Variants in CATSPERE observed in about 807,000 individuals in gnomAD.
CATSPERE encodes the protein catsper channel auxiliary subunit epsilon, also known as cation channel sperm-associated auxiliary subunit epsilon.
In CATSPERE, 93 loss-of-function variants were observed where a neutral mutation model predicts 114.1. The observed-to-expected ratio is 0.81, with a 90% CI of 0.69 to 0.97. CATSPERE has a LOEUF of 0.97. Among genes scored for constraint, CATSPERE ranks in the 50% least tolerant of loss-of-function variants. The pLI is 0.00. For missense variants in CATSPERE, 1,058 were observed against 1,131.6 expected, an observed-to-expected ratio of 0.93 and a Z score of 0.93; for synonymous variants, 341 against 384.1, an observed-to-expected ratio of 0.89 and a Z score of 1.31.
intron 8 of CATSPERE, among the ~76,000 whole-genome samples, chr1:244,527,165 T>G (rs1678766977): frequency 6.6e-6 from 1 of 152,130 alleles, no homozygotes; most frequent in Admixed American, 6.5e-5. Context: ...ACCAGTCTGA[T>G]CAAAATTTAT....
At chr1:244,460,563 A>G (rs1180248972), upstream of CATSPERE, among the ~76,000 whole-genome samples, 1 of 152,248 alleles carries the variant, frequency 6.6e-6, no homozygotes, top group Admixed American at 6.5e-5. Context: ...GATTTGAGTA[A>G]TAATAAAACT....
In CATSPERE at chr1:244,596,597, C is replaced by A. The variant is rs550845438; in HGVS notation, c.2303+3019C>A. On this transcript the variant is annotated intron_variant, in intron 17 of 21. Coordinates refer to ENST00000366534, the MANE Select transcript of CATSPERE (RefSeq NM_001130957.2). ...TAAGAAAATTAGTGATTATACACAC[C>A]GGGGCCTGTCTGGGGTGGGGGGCAA... Among the ~76,000 whole-genome samples, 61 of 151,292 alleles carry A rather than the reference C, an allele frequency of 4.0e-4. No individual in the cohort carries two copies. In the Middle Eastern group the frequency reaches 0.014, roughly 34 times the overall value.
chr1:244,455,314 C>T (rs1572170549), intron 1 of CATSPERE, among the ~76,000 whole-genome samples: 1 of 152,220 alleles, frequency 6.6e-6, no homozygotes, highest in East Asian at 1.9e-4. Context: ...TTTCTCTAAA[C>T]TACCCTGGGG....
chr1:244,494,307 A>G (rs1204686692), intron 6 of CATSPERE, among the ~76,000 whole-genome samples: 1 of 151,968 alleles, frequency 6.6e-6, no homozygotes, highest in Non-Finnish European at 1.5e-5. Flanking sequence ...TTGTAGGGAC[A>G]TGGATGAAAC....
intron 5 of CATSPERE, among the ~76,000 whole-genome samples, chr1:244,484,696 T>A (rs1317788801): frequency 1.3e-5 from 2 of 152,192 alleles, no homozygotes; most frequent in Non-Finnish European, 2.9e-5. Flanking sequence ...TTTCAGTCAA[T>A]ATTTATTTGG....
At chr1:244,590,514 C>T (rs1018352368) in intron 14 of CATSPERE, among the ~76,000 whole-genome samples, 15 of 152,184 alleles carry the variant, frequency 9.9e-5, no homozygotes, top group Non-Finnish European at 2.1e-4. Flanking sequence ...TGTTGTACAG[C>T]TAGCACCACT....
upstream of CATSPERE, chr1:244,452,082 G>A (rs1027435916): frequency 3.4e-4 from 106 of 309,824 alleles, no homozygotes; most frequent in Non-Finnish European, 2.5e-4. Context: ...GGCAACGGCC[G>A]CCACCCCGGA....
chr1:244,517,913 A>G (rs1169488595), intron 7 of CATSPERE, among the ~76,000 whole-genome samples: 1 of 150,720 alleles, frequency 6.6e-6, no homozygotes, highest in Non-Finnish European at 1.5e-5. Context: ...CATGATAACA[A>G]TCTTAAAGGT....
Position 244,504,687 on chromosome 1 carries a change from C to A in CATSPERE, c.429+5608C>A, listed in dbSNP as rs1215034829. 6.6e-6 allele frequency among the ~76,000 whole-genome samples: 1 copy of A among 152,096 alleles called. No homozygotes were observed. The highest frequency in any genetic ancestry group is 1.5e-5 in the Non-Finnish European group (1 of 68,030). On this transcript the variant is annotated intron_variant, in intron 7 of 21. Coordinates refer to ENST00000366534, the MANE Select transcript of CATSPERE (RefSeq NM_001130957.2). The surrounding 1 kb of genome is among the most constrained non-coding windows in gnomAD (Gnocchi z 4.1). ...ATTCATCTGAGATTTTTCTCATAAT[C>A]AGATTGGAGTTAGGTGTTTCAGGCA...
chr1:244,551,539 T>C (rs1660627707), intron 8 of CATSPERE, among the ~76,000 whole-genome samples: 1 of 152,128 alleles, frequency 6.6e-6, no homozygotes, highest in South Asian at 2.1e-4. Flanking sequence ...AAACACTCTA[T>C]TCATTTAACT....
chr1:244,640,308 C>T lies in CATSPERE; in HGVS notation c.*227C>T. 3.0e-6 allele frequency: 1 copy of T among 330,906 alleles called. No homozygotes were observed. 20.5% of individuals were successfully genotyped at this position (330,906 alleles called of 1,614,324 possible). The stretch of plus-strand genomic sequence containing the variant: ...TTTGTTTGCCTTCATTTTAAAGATA[C>T]TCTATGTACTCTCACATGGCATGAA... On this transcript the variant is annotated 3_prime_UTR_variant, in exon 22 of 22. Coordinates refer to ENST00000366534, the MANE Select transcript of CATSPERE (RefSeq NM_001130957.2).
chr1:244,573,721 A>C lies in CATSPERE; in HGVS notation c.1950+949A>C, dbSNP rs777050644. 2.4e-4 allele frequency among the ~76,000 whole-genome samples: 37 copies of C among 152,196 alleles called. No individual in the cohort carries two copies. The highest frequency in any genetic ancestry group is 6.5e-4 in the Admixed American group (10 of 15,284). On this transcript the variant is annotated intron_variant, in intron 11 of 21. Transcript: ENST00000366534. The surrounding 1 kb of genome is among the most constrained non-coding windows in gnomAD (Gnocchi z 4.0). The stretch of plus-strand genomic sequence containing the variant: ...TGAGAGCAGAAGCCTAGGTTTGGCC[A>C]CATATCCCTAACTCATAGGATGGTG...
intron 6 of CATSPERE, among the ~76,000 whole-genome samples, chr1:244,492,072 G>A (rs1432519803): frequency 6.6e-6 from 1 of 152,078 alleles, no homozygotes; most frequent in Non-Finnish European, 1.5e-5. Flanking sequence ...GAAAAAGAGG[G>A]AATCCTCCCT....
chr1:244,569,162 C>T (rs1664071381), intron 10 of CATSPERE, among the ~76,000 whole-genome samples: 1 of 152,158 alleles, frequency 6.6e-6, no homozygotes, highest in Non-Finnish European at 1.5e-5. Flanking sequence ...ATGGCACAGT[C>T]CCTCGTGGCT....
At chr1:244,628,359 A>T (rs1558623435) in intron 20 of CATSPERE, among the ~76,000 whole-genome samples, 1 of 152,156 alleles carries the variant, frequency 6.6e-6, no homozygotes, top group Non-Finnish European at 1.5e-5. Flanking sequence ...ATCCATGCTT[A>T]TAAGGCCATA....
intron 7 of CATSPERE, among the ~76,000 whole-genome samples, chr1:244,516,647 G>A (rs1676688488): frequency 6.6e-6 from 1 of 152,074 alleles, no homozygotes; most frequent in African/African-American, 2.4e-5. Context: ...TCAGCCTCCT[G>A]AGTAGCTGGG....
At chr1:244,480,633 G>GCAAGAGC (rs56349220) in intron 5 of CATSPERE, among the ~76,000 whole-genome samples, 1 of 54,914 alleles carries the variant, frequency 1.8e-5, no homozygotes, top group Non-Finnish European at 4.2e-5. Flanking sequence ...GTAAAGCATG[G>GCAAGAGC]TTGTTGCTGA....
At chr1:244,461,541 C>G in intron 1 of CATSPERE, 47 bp downstream of exon 1, 2 of 1,259,762 alleles carry the variant, frequency 1.6e-6, no homozygotes, top group Non-Finnish European at 2.0e-6. Context: ...GGGATTACCC[C>G]CGGCGGGGCA....
At chr1:244,475,599 C>T (rs569661260) in intron 2 of CATSPERE, among the ~76,000 whole-genome samples, 7 of 137,970 alleles carry the variant, frequency 5.1e-5, no homozygotes, top group African/African-American at 1.4e-4. Context: ...TGCAGTGGCG[C>T]GATCTCAGCT....
Sources: gnomAD v4.1 joint callset for allele counts (sites outside exome capture counted in the v4.1 genomes callset) on GRCh38, gnomAD v4.1.1 for gene constraint, Gnocchi (gnomAD v3.1) non-coding constraint, MANE v1.5 for transcripts, NCBI Gene and HGNC (gene_info 2026-07-23, HGNC 2026-07-21) for gene names.